Variants in PBX1 observed in about 807,000 individuals in gnomAD.
PBX1 encodes PBX homeobox 1, also known as pre-B-cell leukemia transcription factor 1.
In PBX1, 6 loss-of-function variants were observed where a neutral mutation model predicts 53.4. The ratio of observed to expected loss-of-function variants is 0.11; its 90% CI spans 0.06 to 0.22. The LOEUF (loss-of-function observed/expected upper bound fraction) is 0.22. Among genes scored for constraint, PBX1 ranks in the 10% least tolerant of loss-of-function variants. PBX1 has a pLI of 1.00. For synonymous variants in PBX1, 204 were observed against 212.3 expected (o/e 0.96, Z 0.34); for missense variants, 251 against 551.4 (o/e 0.46, Z 5.46).
intron 2 of PBX1, among the ~76,000 whole-genome samples, chr1:164,725,024 A>G (rs1664625510): frequency 6.6e-6 from 1 of 152,058 alleles, no homozygotes; most frequent in Non-Finnish European, 1.5e-5. Flanking sequence ...GTATCATAGG[A>G]AAAAGAGGAA....
At chr1:164,599,538 G>A (rs553506866) in intron 2 of PBX1, among the ~76,000 whole-genome samples, 6 of 152,258 alleles carry the variant, frequency 3.9e-5, no homozygotes, top group Non-Finnish European at 4.4e-5. Context: ...TTCTTTTGAG[G>A]GTTGAGACTT....
intron 2 of PBX1, among the ~76,000 whole-genome samples, chr1:164,732,433 C>T (rs1056168548): frequency 3.3e-5 from 5 of 152,060 alleles, no homozygotes; most frequent in African/African-American, 9.7e-5. Flanking sequence ...TTCCCCTTTC[C>T]TTAATTCTTG....
intron 2 of PBX1, among the ~76,000 whole-genome samples, chr1:164,645,410 C>T (rs907598201): frequency 2.0e-5 from 3 of 152,042 alleles, no homozygotes; most frequent in African/African-American, 7.3e-5. Context: ...GCATTAACTC[C>T]CTGAAGGGGA....
At chr1:164,679,779 G>A (rs1231168508) in intron 2 of PBX1, among the ~76,000 whole-genome samples, 1 of 152,192 alleles carries the variant, frequency 6.6e-6, no homozygotes, top group African/African-American at 2.4e-5. Context: ...TTTCATTAAT[G>A]TTTGTGTTCT....
chr1:164,718,411 G>T (rs1057194410), intron 2 of PBX1, among the ~76,000 whole-genome samples: 10 of 152,176 alleles, frequency 6.6e-5, no homozygotes, highest in African/African-American at 2.4e-4. Context: ...ACTCTGAGTG[G>T]TCAGGGTGGG....
At chr1:164,860,299 T>A (rs1404449880) in intron 2 of PBX1, among the ~76,000 whole-genome samples, 1 of 152,192 alleles carries the variant, frequency 6.6e-6, no homozygotes, top group African/African-American at 2.4e-5. Context: ...CATGATCACT[T>A]AGATGAGTTA....
chr1:164,838,071 G>T (rs1256720767), intron 8 of PBX1, among the ~76,000 whole-genome samples: 1 of 152,180 alleles, frequency 6.6e-6, no homozygotes, highest in Non-Finnish European at 1.5e-5. Context: ...GTGGCATTAG[G>T]ATGTTGGCAG....
intron 2 of PBX1, among the ~76,000 whole-genome samples, chr1:164,754,326 G>C (rs1666390735): frequency 6.6e-6 from 1 of 152,206 alleles, no homozygotes; most frequent in Non-Finnish European, 1.5e-5. Flanking sequence ...ACATGAGAAA[G>C]AGCCGCAGTA....
chr1:164,867,751 C>G (rs1237662767), intron 2 of PBX1, among the ~76,000 whole-genome samples: 1 of 152,230 alleles, frequency 6.6e-6, no homozygotes, highest in Non-Finnish European at 1.5e-5. Context: ...GCTTCATATC[C>G]CCCATGGATT....
intron 2 of PBX1, among the ~76,000 whole-genome samples, chr1:164,749,902 C>T (rs1666103491): frequency 6.6e-6 from 1 of 152,002 alleles, no homozygotes; most frequent in Non-Finnish European, 1.5e-5. Context: ...AGTTCCAGAC[C>T]AGCCTGGGCA....
rs565583896 is a variant in PBX1, at chr1:164,760,917, C to T, written c.266-31577C>T. On this transcript the variant is annotated intron_variant, in intron 2 of 8. Transcript: ENST00000420696. ...CCTTAGAGTACTTGGTTTGCACTCA[C>T]GTTTGGAGCCAAATGTATAATCATT... is the stretch of plus-strand genomic sequence containing the variant. 6.6e-5 allele frequency among the ~76,000 whole-genome samples: 10 copies of T among 152,304 alleles called. No individual in the cohort carries two copies. In the South Asian group the frequency reaches 1.2e-3, roughly 19 times the overall value.
intron 2 of PBX1, among the ~76,000 whole-genome samples, chr1:164,609,296 G>C (rs1656752637): frequency 1.3e-5 from 2 of 152,010 alleles, no homozygotes; most frequent in Admixed American, 1.3e-4. Context: ...ACACAAAATT[G>C]AGCGTGCTGG....
chr1:164,674,157 C>T (rs1362919286), intron 2 of PBX1, among the ~76,000 whole-genome samples: 1 of 152,162 alleles, frequency 6.6e-6, no homozygotes, highest in Non-Finnish European at 1.5e-5. Flanking sequence ...CTGTGGTCCT[C>T]AAGTCGATTA....
chr1:164,788,761 C>A (rs554094252), intron 2 of PBX1, among the ~76,000 whole-genome samples: 1 of 142,550 alleles, frequency 7.0e-6, no homozygotes, highest in Non-Finnish European at 1.5e-5. Flanking sequence ...CTCCCCCCCC[C>A]GCCCTTTTCT....
intron 2 of PBX1, among the ~76,000 whole-genome samples, chr1:164,755,811 T>C (rs1666482810): frequency 6.6e-6 from 1 of 151,558 alleles, no homozygotes. Context: ...AGCTTGAGCG[T>C]TCTGGAAAAT....
chr1:164,781,726 G>C (rs1667945530), intron 2 of PBX1, among the ~76,000 whole-genome samples: 2 of 152,060 alleles, frequency 1.3e-5, no homozygotes, highest in African/African-American at 2.4e-5. Flanking sequence ...GCCTTCTTTT[G>C]CCTCTGCTGA....
intron 8 of PBX1, among the ~76,000 whole-genome samples, chr1:164,837,687 T>G (rs940488727): frequency 6.6e-6 from 1 of 152,224 alleles, no homozygotes; most frequent in East Asian, 1.9e-4. Context: ...TTATTTTTCT[T>G]TGCCAGGAGA....
At chr1:164,788,752 TC>T (rs11429159) in intron 2 of PBX1, among the ~76,000 whole-genome samples, 15 of 68,988 alleles carry the variant, frequency 2.2e-4, no homozygotes, top group South Asian at 1.7e-3. Context: ...CCCGCCGCCC[TC>T]CCCCCCCCGC....
intron 2 of PBX1, among the ~76,000 whole-genome samples, chr1:164,597,305 T>A (rs1655835897): frequency 6.6e-6 from 1 of 152,222 alleles, no homozygotes; most frequent in Non-Finnish European, 1.5e-5. Flanking sequence ...CCCTGTCTTT[T>A]GTGGAAGGAA....
Sources: gnomAD v4.1 joint callset for allele counts (sites outside exome capture counted in the v4.1 genomes callset) on GRCh38, gnomAD v4.1.1 for gene constraint, MANE v1.5 for transcripts, NCBI Gene and HGNC (gene_info 2026-07-23, HGNC 2026-07-21) for gene names.